Variants in HECW2 observed in about 807,000 individuals in gnomAD.
The protein encoded by HECW2 is HECT, C2 and WW domain containing E3 ubiquitin protein ligase 2.
HECW2 carries 61 observed loss-of-function variants against 175.2 expected under a neutral mutation model. The ratio of observed to expected loss-of-function variants is 0.35; its 90% CI spans 0.28 to 0.43. The LOEUF (loss-of-function observed/expected upper bound fraction) is 0.43. HECW2 is among the 20% of genes least tolerant of loss of function. The pLI is 1.00. For missense variants in HECW2, 1,524 were observed against 2,000.5 expected (o/e 0.76, Z 4.54); for synonymous variants, 671 against 731.0 (o/e 0.92, Z 1.32).
chr2:196,510,166 T>C (rs1023043498), intron 1 of HECW2, among the ~76,000 whole-genome samples: 4 of 152,106 alleles, frequency 2.6e-5, no homozygotes, highest in Non-Finnish European at 1.5e-5. Context: ...TACATAGCCA[T>C]CTTTACCACC....
At chr2:196,333,650 C>T (rs1692448113) in intron 4 of HECW2, among the ~76,000 whole-genome samples, 1 of 152,172 alleles carries the variant, frequency 6.6e-6, no homozygotes, top group Non-Finnish European at 1.5e-5. Flanking sequence ...CTCTAAGAAT[C>T]TCCCCAAACC....
In HECW2 at chr2:196,319,922, A is replaced by G. The variant is rs560059294; in HGVS notation, c.986-18T>C. The G allele has an allele frequency of 2.6e-6, 4 of 1,555,140 alleles. No homozygotes were observed. The highest frequency in any genetic ancestry group is 3.5e-6 in the Non-Finnish European group (4 of 1,151,648). On this transcript the variant is annotated intron_variant, in intron 8 of 28. Transcript: ENST00000644978. ...AGAGGCATCTGAATGAGAAAACAGC[A>G]TTTCTAAAAAATTAACCAGAAATAA...
chr2:196,335,286 T>C (rs1692511471), intron 3 of HECW2, among the ~76,000 whole-genome samples: 1 of 152,182 alleles, frequency 6.6e-6, no homozygotes, highest in Non-Finnish European at 1.5e-5. Context: ...GGAAAGTAAC[T>C]ACAATTCCAA....
At chr2:196,462,426 A>G (rs1432337096) in intron 1 of HECW2, among the ~76,000 whole-genome samples, 2 of 152,236 alleles carry the variant, frequency 1.3e-5, no homozygotes, top group Non-Finnish European at 2.9e-5. Flanking sequence ...TATATGATCA[A>G]GATGACAATG....
At chr2:196,212,606 T>G (rs544801435) in intron 28 of HECW2, among the ~76,000 whole-genome samples, 1 of 152,290 alleles carries the variant, frequency 6.6e-6, no homozygotes, top group South Asian at 2.1e-4. Context: ...TTGATGGGCA[T>G]TTAGGTTGAT....
chr2:196,488,453 A>C (rs1401999837), intron 1 of HECW2, among the ~76,000 whole-genome samples: 1 of 152,310 alleles, frequency 6.6e-6, no homozygotes, highest in East Asian at 1.9e-4. Flanking sequence ...AATGACAATG[A>C]GCTCTATTCC....
chr2:196,216,979 A>C (rs1169835918), intron 27 of HECW2, 29 bp downstream of exon 27: 5 of 1,390,414 alleles, frequency 3.6e-6, no homozygotes, highest in Non-Finnish European at 9.7e-7. Context: ...ATATTGATAC[A>C]TTTAAAAGAT....
intron 1 of HECW2, among the ~76,000 whole-genome samples, chr2:196,585,625 T>C (rs1690945842): frequency 6.6e-6 from 1 of 151,942 alleles, no homozygotes; most frequent in Non-Finnish European, 1.5e-5. Context: ...TGAGCTCTTC[T>C]AGCTCGTGTA....
chr2:196,228,015 T>A (rs1687916351), intron 22 of HECW2, 87 bp downstream of exon 22: 1 of 1,251,720 alleles, frequency 8.0e-7, no homozygotes, highest in Non-Finnish European at 1.1e-6. Context: ...AGGGAAAAAA[T>A]GTTTTAATGT....
chr2:196,568,447 C>G (rs1159052527), intron 1 of HECW2, among the ~76,000 whole-genome samples: 1 of 152,162 alleles, frequency 6.6e-6, no homozygotes, highest in South Asian at 2.1e-4. Flanking sequence ...CTAGGAAATA[C>G]AGACAGCCCC....
At chr2:196,463,632 T>C (rs1002933980) in intron 1 of HECW2, among the ~76,000 whole-genome samples, 10 of 152,218 alleles carry the variant, frequency 6.6e-5, no homozygotes, top group Non-Finnish European at 1.2e-4. Flanking sequence ...TATATAATAT[T>C]GTATTTTATA....
At chr2:196,247,233 GA>G (rs1199658956) in intron 19 of HECW2, among the ~76,000 whole-genome samples, 2 of 152,176 alleles carry the variant, frequency 1.3e-5, no homozygotes, top group Non-Finnish European at 2.9e-5. Flanking sequence ...CCTGGCAACA[GA>G]GTGAGGCTCT....
intron 14 of HECW2, 21 bp from the exon 15 acceptor site, chr2:196,278,683 T>C: frequency 6.2e-7 from 1 of 1,613,618 alleles, no homozygotes; most frequent in South Asian, 1.1e-5. Context: ...ATACACTGAG[T>C]CAAATACATG....
chr2:196,229,588 G>A (rs747381430), intron 21 of HECW2, among the ~76,000 whole-genome samples: 6 of 152,192 alleles, frequency 3.9e-5, no homozygotes, highest in Non-Finnish European at 5.9e-5. Flanking sequence ...GCTGAGGCAG[G>A]AGCATCTCTT....
intron 1 of HECW2, among the ~76,000 whole-genome samples, chr2:196,521,546 T>C (rs1267878325): frequency 1.3e-5 from 2 of 151,494 alleles, no homozygotes; most frequent in Non-Finnish European, 2.9e-5. Flanking sequence ...GTTAGTTACA[T>C]ATGTATACAT....
intron 2 of HECW2, among the ~76,000 whole-genome samples, chr2:196,419,884 G>A (rs1262873355): frequency 1.3e-5 from 2 of 152,130 alleles, no homozygotes; most frequent in Non-Finnish European, 2.9e-5. Context: ...GATCCTCAGA[G>A]CCACTGTATT....
intron 5 of HECW2, among the ~76,000 whole-genome samples, chr2:196,327,605 T>A (rs1266974745): frequency 6.6e-6 from 1 of 152,248 alleles, no homozygotes; most frequent in East Asian, 1.9e-4. Flanking sequence ...TAGGCAGCCA[T>A]TCTAAAGTGC....
intron 2 of HECW2, among the ~76,000 whole-genome samples, chr2:196,377,140 G>A (rs1005210060): frequency 2.6e-5 from 4 of 152,158 alleles, no homozygotes; most frequent in African/African-American, 9.7e-5. Context: ...GCTAGTTAGT[G>A]CCACGGAAAA....
chr2:196,549,278 T>A (rs1024511356), intron 1 of HECW2, among the ~76,000 whole-genome samples: 3 of 152,216 alleles, frequency 2.0e-5, no homozygotes, highest in African/African-American at 7.2e-5. Flanking sequence ...GACCCCTGTA[T>A]GCGCTTTCCT....
Sources: allele counts gnomAD v4.1 joint callset (sites outside exome capture counted in the v4.1 genomes callset), GRCh38; gene constraint gnomAD v4.1.1; transcripts MANE v1.5; gene names NCBI Gene and HGNC (gene_info 2026-07-23, HGNC 2026-07-21).